Variants in MAF observed in about 807,000 individuals in gnomAD.
The protein encoded by MAF is MAF bZIP transcription factor.
Under a neutral mutation model 22.0 loss-of-function variants are expected in MAF, and 10 were observed. That is an observed-to-expected ratio of 0.45 (90% CI 0.28 to 0.77). The LOEUF (loss-of-function observed/expected upper bound fraction) is 0.77. Among genes scored for constraint, MAF ranks in the 30% least tolerant of loss-of-function variants. The pLI is 0.12. For missense variants in MAF, 544 were observed against 548.4 expected, an observed-to-expected ratio of 0.99 and a Z score of 0.08; for synonymous variants, 337 against 255.8, an observed-to-expected ratio of 1.32 and a Z score of -3.03.
chr16:79,572,628 C>T, the MAF span, among the ~76,000 whole-genome samples: 10 of 152,138 alleles, frequency 6.6e-5, no homozygotes. Flanking sequence ...GGAAACATGC[C>T]AAATGCCAGG....
chr16:79,292,650 G>A, the MAF span, among the ~76,000 whole-genome samples: 3 of 152,064 alleles, frequency 2.0e-5, no homozygotes, highest in Non-Finnish European at 4.4e-5. Context: ...AGACCTATGG[G>A]GCTGCATTCC....
chr16:79,493,867 C>G, the MAF span, among the ~76,000 whole-genome samples: 3 of 151,562 alleles, frequency 2.0e-5, no homozygotes, highest in East Asian at 1.9e-4. Context: ...AGACCTGCCC[C>G]TTAGTCTCTA....
chr16:79,357,925 G>C, the MAF span, among the ~76,000 whole-genome samples: 12 of 152,298 alleles, frequency 7.9e-5, no homozygotes, highest in East Asian at 2.1e-3. Context: ...ACCTGATCCG[G>C]GCTGGGACTG....
the MAF span, among the ~76,000 whole-genome samples, chr16:79,470,205 T>C: frequency 3.9e-5 from 6 of 152,154 alleles, no homozygotes; most frequent in African/African-American, 1.2e-4. Flanking sequence ...GGAACTCTGG[T>C]TCTGAGGAAG....
the MAF span, among the ~76,000 whole-genome samples, chr16:79,458,048 A>G: frequency 2.6e-3 from 393 of 151,806 alleles, 17 homozygotes; most frequent in East Asian, 0.068. Flanking sequence ...GAAAAGAAGA[A>G]AATAAAAATT....
At chr16:79,545,144 C>T in the MAF span, among the ~76,000 whole-genome samples, 3 of 152,126 alleles carry the variant, frequency 2.0e-5, no homozygotes, top group Admixed American at 2.0e-4. Flanking sequence ...GAATCTTTCC[C>T]TCCATGGTTC....
chr16:79,599,335 C>T lies in MAF; in HGVS notation c.568G>A (p.Gly190Ser), dbSNP rs1413035701. 1.0e-6 allele frequency: 1 copy of T among 988,536 alleles called. No homozygotes were observed. The highest frequency in any genetic ancestry group is 1.2e-6 in the Non-Finnish European group (1 of 833,778). 61.2% of individuals were successfully genotyped at this position (988,536 alleles called of 1,614,324 possible). ...CCGGCCGTCGGGTGGTGGTGGTGGC[C>T]GGCGGCGTGGTGGTGGTGGTGGTGG... is the stretch of plus-strand genomic sequence containing the variant. ...HYHHHHHHAA[G>S]HHHHPTAGAP... Residue 190 changes from glycine (G) to serine (S), a missense_variant, in exon 1 of 2, where the codon GGC becomes AGC. This residue lies in a region of MAF where 342 missense variants were observed against 315.5 expected (regional missense o/e 1.08). Coordinates refer to ENST00000326043, the MANE Select transcript of MAF (RefSeq NM_005360.5).
chr16:79,328,848 A>G, the MAF span, among the ~76,000 whole-genome samples: 1 of 152,206 alleles, frequency 6.6e-6, no homozygotes, highest in Non-Finnish European at 1.5e-5. Context: ...CGCTGCCTTA[A>G]GCTTTGGCTA....
the MAF span, among the ~76,000 whole-genome samples, chr16:79,495,490 T>C: frequency 6.6e-6 from 1 of 152,058 alleles, no homozygotes; most frequent in Non-Finnish European, 1.5e-5. Context: ...CTTACTTCTA[T>C]CACTCAGGAA....
chr16:79,543,872 G>A, the MAF span, among the ~76,000 whole-genome samples: 3 of 152,034 alleles, frequency 2.0e-5, no homozygotes, highest in African/African-American at 4.8e-5. Context: ...ATTTTTAGCA[G>A]AGACGGGGTT....
chr16:79,474,783 C>T, the MAF span, among the ~76,000 whole-genome samples: 1 of 152,084 alleles, frequency 6.6e-6, no homozygotes, highest in Non-Finnish European at 1.5e-5. Flanking sequence ...AGGGACCATC[C>T]CATGTCAGGA....
chr16:79,525,495 A>T, the MAF span, among the ~76,000 whole-genome samples: 2 of 152,224 alleles, frequency 1.3e-5, no homozygotes, highest in Non-Finnish European at 2.9e-5. Context: ...TCAATTTAGA[A>T]GGGCAAGCAA....
chr16:79,485,238 C>T, the MAF span, among the ~76,000 whole-genome samples: 1 of 152,128 alleles, frequency 6.6e-6, no homozygotes, highest in Admixed American at 6.6e-5. Context: ...CTCTGTGCCT[C>T]AGTTTTCTCA....
the MAF span, among the ~76,000 whole-genome samples, chr16:79,208,095 C>G: frequency 1.3e-5 from 2 of 152,196 alleles, no homozygotes; most frequent in African/African-American, 2.4e-5. Flanking sequence ...ATGATGAATC[C>G]TTATTACCAA....
At chr16:79,468,185 C>T in the MAF span, among the ~76,000 whole-genome samples, 1 of 152,160 alleles carries the variant, frequency 6.6e-6, no homozygotes, top group African/African-American at 2.4e-5. Flanking sequence ...GGGCCCTGCA[C>T]ATACTCACGA....
the MAF span, among the ~76,000 whole-genome samples, chr16:79,462,396 C>T: frequency 2.6e-5 from 4 of 152,266 alleles, no homozygotes; most frequent in East Asian, 7.7e-4. Context: ...CCTGCAGACT[C>T]CTCAATATGA....
At chr16:79,467,874 G>A in the MAF span, among the ~76,000 whole-genome samples, 46 of 151,600 alleles carry the variant, frequency 3.0e-4, 1 homozygote, top group Admixed American at 1.1e-3. Context: ...AAGGATGCAG[G>A]CAGGCAAACC....
At chr16:79,209,761 C>T in the MAF span, among the ~76,000 whole-genome samples, 17,291 of 152,244 alleles carry the variant, frequency 0.11, 1,375 homozygotes, top group African/African-American at 0.22. Flanking sequence ...AGAGGCACTT[C>T]TGCTTCCCTT....
At chr16:79,312,395 G>A in the MAF span, among the ~76,000 whole-genome samples, 6 of 152,306 alleles carry the variant, frequency 3.9e-5, no homozygotes, top group Admixed American at 2.6e-4. Flanking sequence ...CTTTTCTGGT[G>A]TCTGATTTTC....
Sources: allele counts gnomAD v4.1 joint callset (sites outside exome capture counted in the v4.1 genomes callset), GRCh38; gene constraint gnomAD v4.1.1; regional missense constraint gnomAD v4.1.1; transcripts MANE v1.5; gene names NCBI Gene and HGNC (gene_info 2026-07-23, HGNC 2026-07-21).